Variants in FAM120B observed in about 807,000 individuals in gnomAD.
The protein encoded by FAM120B is constitutive coactivator of peroxisome proliferator-activated receptor gamma.
A neutral mutation model predicts 96.3 loss-of-function variants in FAM120B; 83 were observed. The observed-to-expected ratio is 0.86, with a 90% CI of 0.72 to 1.03. FAM120B has a LOEUF of 1.03. Among genes scored for constraint, FAM120B ranks in the 50% least tolerant of loss-of-function variants. The pLI, the probability that FAM120B is intolerant of heterozygous loss-of-function variation, is 0.00. For synonymous variants in FAM120B, 407 were observed against 402.7 expected (o/e 1.01, Z -0.13); for missense variants, 1,027 against 1,121.2 (o/e 0.92, Z 1.20).
chr6:170,328,272 A>C (rs1437941225), intron 3 of FAM120B, among the ~76,000 whole-genome samples: 1 of 152,140 alleles, frequency 6.6e-6, no homozygotes, highest in African/African-American at 2.4e-5. Flanking sequence ...TAATTTTTTT[A>C]AACTTCTTTG....
intron 8 of FAM120B, among the ~76,000 whole-genome samples, chr6:170,394,253 C>T (rs1464335029): frequency 6.6e-6 from 1 of 152,216 alleles, no homozygotes; most frequent in Admixed American, 6.5e-5. Context: ...GCCTTAGAGA[C>T]CACAGAGGCT....
Position 170,319,121 on chromosome 6 carries a change from A to G in FAM120B, c.1731A>G (p.Leu577=), listed in dbSNP as rs1785129904. 6.4e-7 allele frequency: 1 copy of G among 1,556,454 alleles called. No homozygotes were observed. Among genetic ancestry groups the G allele is most frequent in the Non-Finnish European group, 8.6e-7 (1 of 1,158,510 alleles). The change falls in exon 2 of 11, where the codon TTA becomes TTG. Residue 577 remains leucine, a synonymous_variant. Transcript: ENST00000476287. ...QVTMVSDTEI[L]KVARTHHVQA... ...CCATGGTTTCAGACACTGAAATCTT[A>G]AAGGTATGTGTATCTGCCCAGCCAA...
intron 1 of FAM120B, among the ~76,000 whole-genome samples, chr6:170,316,185 AG>A (rs1468633335): frequency 6.6e-6 from 1 of 152,038 alleles, no homozygotes; most frequent in Non-Finnish European, 1.5e-5. Flanking sequence ...TTTACGTGTC[AG>A]GGTCGTCCTA....
chr6:170,298,364 G>A (rs527322615), intron 1 of FAM120B: 1 of 152,256 alleles, frequency 6.6e-6, no homozygotes, highest in Non-Finnish European at 1.5e-5. Flanking sequence ...ATCTCAGAAT[G>A]TTAGTTTCTA....
At chr6:170,375,463 A>AC (rs1789451881) in intron 6 of FAM120B, among the ~76,000 whole-genome samples, 1 of 152,214 alleles carries the variant, frequency 6.6e-6, no homozygotes, top group Admixed American at 6.5e-5. Flanking sequence ...GGCCTATTAC[A>AC]CAGTAAGTTA....
chr6:170,381,541 A>C (rs1789900594), intron 6 of FAM120B, among the ~76,000 whole-genome samples: 1 of 151,576 alleles, frequency 6.6e-6, no homozygotes, highest in African/African-American at 2.4e-5. Flanking sequence ...TATTACCCTG[A>C]CACCCAAACC....
At chr6:170,400,925 G>C (rs1279921565) in intron 9 of FAM120B, among the ~76,000 whole-genome samples, 5 of 152,096 alleles carry the variant, frequency 3.3e-5, no homozygotes, top group South Asian at 2.1e-4. Context: ...ATGCACATTG[G>C]CTTCTTTCTT....
intron 6 of FAM120B, among the ~76,000 whole-genome samples, chr6:170,380,482 G>T (rs1362813197): frequency 6.6e-5 from 10 of 152,158 alleles, no homozygotes; most frequent in Non-Finnish European, 1.0e-4. Flanking sequence ...GTGTACAAGG[G>T]TTCCCCTTTC....
chr6:170,317,847 T>G lies in FAM120B; in HGVS notation c.457T>G (p.Leu153Val). The G allele has an allele frequency of 1.2e-6, 2 of 1,614,188 alleles. No homozygotes were observed. The highest frequency in any genetic ancestry group is 1.7e-6 in the Non-Finnish European group (2 of 1,180,034). ...FALKTLGQET[L>V]CSLQEADYEV... ...TCTAAAGACACTGGGCCAGGAAACT[T>G]TGTGTTCTTTGCAGGAAGCAGATTA... The change falls in exon 2 of 11, where the codon TTG (leucine) becomes GTG (valine). Residue 153 changes from leucine to valine, a missense_variant. Leu to Val is a conservative substitution (Grantham distance 32, BLOSUM62 1). Around this residue, in one of 3 missense-constraint regions of FAM120B, gnomAD observed 880 missense variants for 980.9 expected, o/e 0.90. Coordinates refer to ENST00000476287, the MANE Select transcript of FAM120B (RefSeq NM_032448.3).
At chr6:170,343,116 T>C (rs1454678708) in intron 4 of FAM120B, among the ~76,000 whole-genome samples, 2 of 152,196 alleles carry the variant, frequency 1.3e-5, no homozygotes, top group Non-Finnish European at 2.9e-5. Flanking sequence ...AGTGTACCAC[T>C]AGAAGAGAAG....
At chr6:170,402,460 CCAGAAAGGAGCACGGAGGA>C (rs1396327978) in intron 9 of FAM120B, among the ~76,000 whole-genome samples, 1 of 152,170 alleles carries the variant, frequency 6.6e-6, no homozygotes, top group Non-Finnish European at 1.5e-5. Context: ...TCTTCCTGAC[CCAGAAAGGAGCACGGAGGA>C]GATGTGAGCA....
At chr6:170,306,596 CGCCGGCGCCTGCGCG>C (rs1784296324), upstream of FAM120B, 1 of 152,202 alleles carries the variant, frequency 6.6e-6, no homozygotes. Context: ...CGTCCCACGC[CGCCGGCGCCTGCGCG>C]CCGCGTCCGC....
intron 1 of FAM120B, among the ~76,000 whole-genome samples, chr6:170,314,538 C>A (rs1031545977): frequency 2.0e-5 from 3 of 152,128 alleles, no homozygotes; most frequent in Non-Finnish European, 4.4e-5. Flanking sequence ...ACAACTATTA[C>A]CTAGATAATG....
At chr6:170,322,991 C>A in intron 2 of FAM120B, 88 bp from the exon 3 acceptor site, 1 of 1,100,958 alleles carries the variant, frequency 9.1e-7, no homozygotes, top group Non-Finnish European at 1.3e-6. Flanking sequence ...AAAAAACTGG[C>A]ATATGATGAA....
intron 4 of FAM120B, among the ~76,000 whole-genome samples, chr6:170,342,506 T>C (rs1786902418): frequency 6.6e-6 from 1 of 152,208 alleles, no homozygotes; most frequent in Non-Finnish European, 1.5e-5. Flanking sequence ...CTCTTCTGTG[T>C]TTGTAGCTGT....
rs532765558 is a variant in FAM120B at position 170,362,856 on chromosome 6, A to AT, written c.2283+4548dup. 2.2e-3 allele frequency among the ~76,000 whole-genome samples: 323 copies of AT among 146,312 alleles called. 1 individual carries two copies. The highest frequency in any genetic ancestry group is 2.9e-3 in the Non-Finnish European group (190 of 66,086). ...ACCACCATGCCTAGGTAATTTTTGT[A>AT]TTTTTTTTTTGAGAGATGGGGTGTT... On this transcript the variant is annotated intron_variant, in intron 6 of 10. Transcript: ENST00000476287.
chr6:170,365,692 G>GAC (rs901382778), intron 6 of FAM120B, among the ~76,000 whole-genome samples: 5 of 151,452 alleles, frequency 3.3e-5, no homozygotes, highest in East Asian at 3.9e-4. Flanking sequence ...CGGGCCTCCT[G>GAC]ACACACACAC....
chr6:170,338,121 T>G (rs1448908705), intron 4 of FAM120B, among the ~76,000 whole-genome samples: 1 of 152,222 alleles, frequency 6.6e-6, no homozygotes, highest in Non-Finnish European at 1.5e-5. Flanking sequence ...AATTGTGATG[T>G]TAGGGTGTCA....
intron 9 of FAM120B, among the ~76,000 whole-genome samples, 158 bp downstream of exon 9, chr6:170,395,737 G>A (rs1307212253): frequency 6.6e-6 from 1 of 152,176 alleles, no homozygotes; most frequent in Middle Eastern, 3.2e-3. Context: ...TTATCATTTA[G>A]TGAAATAAAG....
Sources: gnomAD v4.1 joint callset for allele counts (sites outside exome capture counted in the v4.1 genomes callset) on GRCh38, gnomAD v4.1.1 for gene constraint, gnomAD v4.1.1 regional missense constraint, MANE v1.5 for transcripts, NCBI Gene and HGNC (gene_info 2026-07-23, HGNC 2026-07-21) for gene names.